The following INPP5A variants were observed in gnomAD, a reference collection of about 807,000 sequenced individuals.
INPP5A encodes inositol polyphosphate-5-phosphatase A, also known as 43 kDa inositol polyphosphate 5-phophatase.
Under a neutral mutation model 65.2 loss-of-function variants are expected in INPP5A, and 14 were observed. The ratio of observed to expected loss-of-function variants is 0.21; its 90% CI spans 0.14 to 0.34. The LOEUF (loss-of-function observed/expected upper bound fraction) is 0.34, where lower values mean the gene tolerates loss of function less well. Ranked by LOEUF, INPP5A falls within the 10% of genes least tolerant of loss-of-function variation. The pLI, the probability that INPP5A is intolerant of heterozygous loss-of-function variation, is 1.00. For missense variants in INPP5A, 431 were observed against 545.6 expected (o/e 0.79, Z 2.09); for synonymous variants, 207 against 208.3 (o/e 0.99, Z 0.05).
chr10:132,711,509 C>G (rs1845636733), intron 8 of INPP5A, among the ~76,000 whole-genome samples: 1 of 152,186 alleles, frequency 6.6e-6, no homozygotes, highest in African/African-American at 2.4e-5. Flanking sequence ...GCAGTTCTGC[C>G]CTGGGGTGGT....
Position 132,645,906 on chromosome 10 carries a change from C to G in INPP5A, c.156C>G (p.His52Gln). 1 of 1,614,112 alleles carries G rather than the reference C, an allele frequency of 6.2e-7. No individual in the cohort carries two copies. The highest frequency in any genetic ancestry group is 8.5e-7 in the Non-Finnish European group (1 of 1,179,990). ...HTHKPHFMALHCQEFGGKNYE... is the reference protein window; with the variant it reads ...HTHKPHFMALQCQEFGGKNYE... The stretch of plus-strand genomic sequence containing the variant: ...ACAAGCCGCACTTCATGGCCTTGCA[C>G]TGTCAGGAGTTTGGAGGGAAGAACT... The change falls in exon 3 of 16, where the codon CAC becomes CAG. Residue 52 changes from histidine (H) to glutamine (Q), a missense_variant. By Grantham distance (24) the His-to-Gln change is conservative. Coordinates refer to ENST00000368594, the MANE Select transcript of INPP5A (RefSeq NM_005539.5).
intron 1 of INPP5A, among the ~76,000 whole-genome samples, chr10:132,570,996 TC>T (rs1339986134): frequency 1.3e-5 from 2 of 152,176 alleles, no homozygotes; most frequent in Non-Finnish European, 2.9e-5. Context: ...AGGCACTCCC[TC>T]CCCACCACAG....
intron 8 of INPP5A, among the ~76,000 whole-genome samples, chr10:132,713,450 G>T (rs764368546): frequency 7.2e-5 from 11 of 152,100 alleles, no homozygotes; most frequent in Non-Finnish European, 1.6e-4. Context: ...ATCCTCCCGG[G>T]TTCCCCACAG....
In INPP5A at chr10:132,715,657, A is replaced by G. The variant is rs556608746; in HGVS notation, c.647+5201A>G. The stretch of plus-strand genomic sequence containing the variant: ...CCAGAACTTGCCTTGCTGTGCAGCC[A>G]GTAAAGAAAAGCTGCTGCGTCTCCA... On this transcript the variant is annotated intron_variant, in intron 8 of 15. Coordinates refer to ENST00000368594, the MANE Select transcript of INPP5A (RefSeq NM_005539.5). Among the ~76,000 whole-genome samples, 9 of 152,344 alleles carry G rather than the reference A, an allele frequency of 5.9e-5. No homozygotes were observed. In the East Asian group the frequency reaches 1.7e-3, roughly 29 times the overall value.
At chr10:132,689,539 C>A (rs555581491) in intron 4 of INPP5A, among the ~76,000 whole-genome samples, 8 of 152,198 alleles carry the variant, frequency 5.3e-5, no homozygotes, top group Non-Finnish European at 1.2e-4. Flanking sequence ...CAAAGGCAAC[C>A]ACTGCAAACC....
In INPP5A at chr10:132,607,917, A is replaced by G. The variant is rs1404344987; in HGVS notation, c.78A>G (p.Pro26=). The G allele has an allele frequency of 6.2e-7, 1 of 1,610,050 alleles. No homozygotes were observed. The highest frequency in any genetic ancestry group is 2.2e-5 in the East Asian group (1 of 44,890). The change falls in exon 2 of 16, where the codon CCA becomes CCG. Residue 26 remains proline, a splice_region_variant and synonymous_variant. Transcript: ENST00000368594. ...TTCTTTTTCTTCTTAATTTACAGCC[A>G]GAAAACCTGCAGAAGAACTGGCTTC... ...TANVGSLFDD[P]ENLQKNWLRE...
intron 4 of INPP5A, among the ~76,000 whole-genome samples, chr10:132,671,579 A>G (rs1324848100): frequency 6.6e-6 from 1 of 152,182 alleles, no homozygotes; most frequent in South Asian, 2.1e-4. Context: ...TGTTGATCCC[A>G]TCATCAGCCA....
chr10:132,550,281 A>G lies in INPP5A; in HGVS notation c.75+12110A>G, dbSNP rs2071033247. On this transcript the variant is annotated intron_variant, in intron 1 of 15. Coordinates refer to ENST00000368594, the MANE Select transcript of INPP5A (RefSeq NM_005539.5). This position sits in a 1 kb window ranked among gnomAD's most constrained non-coding sequence, Gnocchi z 4.2. ...ATTCACTTCACCCAGCCTCTCAGGG[A>G]TGTAATGAGGCTGCTCGGGGGGCTG... 2.6e-5 allele frequency among the ~76,000 whole-genome samples: 4 copies of G among 152,164 alleles called. No homozygotes were observed. In the South Asian group the frequency reaches 8.3e-4, roughly 32 times the overall value.
At position 132,706,885 on chromosome 10, in the gene INPP5A, G is replaced by A. The variant is rs1046315638; in HGVS notation, c.475-1428G>A. On this transcript the variant is annotated intron_variant, in intron 6 of 15. Coordinates refer to ENST00000368594, the MANE Select transcript of INPP5A (RefSeq NM_005539.5). The surrounding 1 kb of genome is among the most constrained non-coding windows in gnomAD (Gnocchi z 4.7). ...CTGTGCTGCCAGGTGCCGCCAACAG[G>A]CCAGGCGAGATGAAGGGCGAGTGTC... Among the ~76,000 whole-genome samples, 5 of 152,216 alleles carry A rather than the reference G, an allele frequency of 3.3e-5. No homozygotes were observed. The highest frequency in any genetic ancestry group is 7.3e-5 in the Non-Finnish European group (5 of 68,044).
In INPP5A at chr10:132,630,598, GTCCATGAGGGGAAGACA is replaced by G. The variant is rs1212696858; in HGVS notation, c.118-15204_118-15188del. Among the ~76,000 whole-genome samples, 730 of 145,394 alleles carry G rather than the reference GTCCATGAGGGGAAGACA, an allele frequency of 5.0e-3. 20 individuals are homozygous for G. Among genetic ancestry groups the G allele is most frequent in the Admixed American group, 0.014 (203 of 14,834 alleles). On this transcript the variant is annotated intron_variant, in intron 2 of 15. Transcript: ENST00000368594. ...AGGAAGACGTCCATGAGGGGAAGAC[GTCCATGAGGGGAAGACA>G]TCCATGAGGGGAAGACATCCATGAG...
intron 2 of INPP5A, among the ~76,000 whole-genome samples, chr10:132,614,906 G>A (rs542444448): frequency 8.5e-5 from 13 of 152,280 alleles, no homozygotes; most frequent in Non-Finnish European, 1.8e-4. Flanking sequence ...GAATGGGCTG[G>A]CCTCGCTCTT....
In INPP5A at chr10:132,545,917, G is replaced by A. The variant is rs572215017; in HGVS notation, c.75+7746G>A. 1.3e-5 allele frequency among the ~76,000 whole-genome samples: 2 copies of A among 152,374 alleles called. No individual in the cohort carries two copies. Among genetic ancestry groups the A allele is most frequent in the Non-Finnish European group, 2.9e-5 (2 of 68,038 alleles). ...CTGCCTCCGCTCGGCCTGAGGTGATGAGAGTGTGGATGGCACCTGCACTGT... is the reference window on the plus strand; with the variant it reads ...CTGCCTCCGCTCGGCCTGAGGTGATAAGAGTGTGGATGGCACCTGCACTGT... On this transcript the variant is annotated intron_variant, in intron 1 of 15. Transcript: ENST00000368594. This position sits in a 1 kb window ranked among gnomAD's most constrained non-coding sequence, Gnocchi z 4.6.
chr10:132,759,099 A>G (rs1185346202), intron 11 of INPP5A, among the ~76,000 whole-genome samples: 1 of 152,214 alleles, frequency 6.6e-6, no homozygotes, highest in Non-Finnish European at 1.5e-5. Context: ...TGTGCATGGT[A>G]TGCTTCTGAC....
intron 12 of INPP5A, among the ~76,000 whole-genome samples, chr10:132,766,608 TGA>T (rs1846850006): frequency 6.6e-6 from 1 of 152,084 alleles, no homozygotes. Context: ...TGAGCATGAG[TGA>T]GAGCATGAGT....
rs1341887855 is a variant in INPP5A, at chr10:132,663,353, C to A, written c.306+12848C>A. Among the ~76,000 whole-genome samples, 1 of 152,160 alleles carries A rather than the reference C, an allele frequency of 6.6e-6. No individual in the cohort carries two copies. Among genetic ancestry groups the A allele is most frequent in the South Asian group, 2.1e-4 (1 of 4,802 alleles). On this transcript the variant is annotated intron_variant, in intron 4 of 15. Transcript: ENST00000368594. The surrounding 1 kb of genome is among the most constrained non-coding windows in gnomAD (Gnocchi z 4.5). The stretch of plus-strand genomic sequence containing the variant: ...CCTGTGGCCTCAGCCTCCCAAGTAG[C>A]TGAGGATACAGGTGTGCATCACCAC...
At position 132,782,107 on chromosome 10, in the gene INPP5A, T is replaced by C. The variant is rs779587656; in HGVS notation, c.*78T>C. On this transcript the variant is annotated 3_prime_UTR_variant, in exon 16 of 16. Transcript: ENST00000368594. This position sits in a 1 kb window ranked among gnomAD's most constrained non-coding sequence, Gnocchi z 4.4. Reference sequence around the variant, plus strand: ...GTAGCCGTGGACCGAATACGCACTCTTGAAAGCTGCATCGAGAACCCGCCC... The same window carrying C: ...GTAGCCGTGGACCGAATACGCACTCCTGAAAGCTGCATCGAGAACCCGCCC... 15 of 1,537,450 alleles carry C rather than the reference T, an allele frequency of 9.8e-6. No individual in the cohort carries two copies. The Middle Eastern group carries it at 5.1e-4, about 52-fold the overall frequency.
At chr10:132,585,798 C>T (rs576356715) in intron 1 of INPP5A, among the ~76,000 whole-genome samples, 2 of 152,314 alleles carry the variant, frequency 1.3e-5, no homozygotes, top group African/African-American at 4.8e-5. Flanking sequence ...TTCTGTGTGA[C>T]GCTCCCCACA....
chr10:132,579,916 A>T (rs972684360), intron 1 of INPP5A, among the ~76,000 whole-genome samples: 2 of 136,146 alleles, frequency 1.5e-5, no homozygotes, highest in African/African-American at 5.4e-5. Context: ...GCCTGTTTAA[A>T]AGTTTTTTTT....
chr10:132,738,857 T>C (rs953783726), intron 9 of INPP5A, among the ~76,000 whole-genome samples: 1 of 152,154 alleles, frequency 6.6e-6, no homozygotes, highest in Non-Finnish European at 1.5e-5. Context: ...CTGCACCCCA[T>C]AAGCTTGGGA....
Sources: allele counts gnomAD v4.1 joint callset (sites outside exome capture counted in the v4.1 genomes callset), GRCh38; gene constraint gnomAD v4.1.1; non-coding constraint Gnocchi (gnomAD v3.1); transcripts MANE v1.5; gene names NCBI Gene and HGNC (gene_info 2026-07-23, HGNC 2026-07-21).